The following AMZ2 variants were observed in gnomAD, a reference collection of about 807,000 sequenced individuals.
The protein encoded by AMZ2 is archaemetzincin-2.
Under a neutral mutation model 36.7 loss-of-function variants are expected in AMZ2, and 26 were observed. That is an observed-to-expected ratio of 0.71 (90% CI 0.52 to 0.98). The LOEUF is 0.98. AMZ2 is among the 50% of genes least tolerant of loss of function. AMZ2 has a pLI of 0.00. For missense variants in AMZ2, 394 were observed against 430.5 expected, an observed-to-expected ratio of 0.92 and a Z score of 0.75; for synonymous variants, 144 against 149.1, an observed-to-expected ratio of 0.97 and a Z score of 0.25.
At chr17:68,209,632 A>ATTTTTTTT (rs1224207690) in intron 1 of AMZ2, among the ~76,000 whole-genome samples, 16 of 90,688 alleles carry the variant, frequency 1.8e-4, no homozygotes, top group Non-Finnish European at 2.4e-4. Context: ...ATATATATAT[A>ATTTTTTTT]TTTTTTTTTT....
At chr17:68,223,039 G>A (rs1555728963) in intron 1 of AMZ2, among the ~76,000 whole-genome samples, 1 of 152,042 alleles carries the variant, frequency 6.6e-6, no homozygotes, top group Non-Finnish European at 1.5e-5. Flanking sequence ...CTCGGAGGGA[G>A]GGGTATCAAG....
chr17:68,230,418 T>C (rs2073631059), intron 1 of AMZ2, among the ~76,000 whole-genome samples: 1 of 152,232 alleles, frequency 6.6e-6, no homozygotes, highest in Admixed American at 6.5e-5. Context: ...AGCCCCTCCA[T>C]GCGTGCCCCT....
chr17:68,210,829 T>A (rs529622950), intron 1 of AMZ2, among the ~76,000 whole-genome samples: 16 of 151,772 alleles, frequency 1.1e-4, no homozygotes, highest in African/African-American at 3.6e-4. Context: ...GTGCCTGTGG[T>A]CCTAGTTACT....
chr17:68,232,495 CA>C (rs139890887), intron 1 of AMZ2, among the ~76,000 whole-genome samples: 560 of 106,828 alleles, frequency 5.2e-3, no homozygotes, highest in Admixed American at 0.01. Context: ...GACCCTATCT[CA>C]AAAAAAAAAA....
chr17:68,221,842 G>A (rs1454302372), intron 1 of AMZ2, among the ~76,000 whole-genome samples: 1 of 152,166 alleles, frequency 6.6e-6, no homozygotes, highest in Admixed American at 6.6e-5. Context: ...CATGAGCTGA[G>A]TTCGCACCAC....
At chr17:68,246,496 TAC>T (rs1472375992), upstream of AMZ2, 4 of 152,216 alleles carry the variant, frequency 2.6e-5, no homozygotes, top group African/African-American at 9.7e-5. Flanking sequence ...GCCCCTATGC[TAC>T]ACCACCTCAG....
At chr17:68,209,625 TATATA>T (rs1568337608) in intron 1 of AMZ2, among the ~76,000 whole-genome samples, 2,721 of 109,882 alleles carry the variant, frequency 0.025, 66 homozygotes, top group African/African-American at 0.062. Flanking sequence ...TATATATATA[TATATA>T]TATTTTTTTT....
intron 1 of AMZ2, among the ~76,000 whole-genome samples, chr17:68,209,632 A>ATATT: frequency 2.2e-5 from 2 of 90,684 alleles, no homozygotes; most frequent in African/African-American, 4.9e-5. Context: ...ATATATATAT[A>ATATT]TTTTTTTTTT....
At chr17:68,249,915 A>C in intron 1 of AMZ2, 1 of 409,850 alleles carries the variant, frequency 2.4e-6, no homozygotes, top group Non-Finnish European at 4.4e-6. Context: ...CTGAAATTAC[A>C]GGCATGAGCC....
intron 1 of AMZ2, among the ~76,000 whole-genome samples, chr17:68,242,217 C>T (rs1465223985): frequency 2.0e-5 from 3 of 152,058 alleles, no homozygotes; most frequent in African/African-American, 7.2e-5. Flanking sequence ...AGGCAGGGAA[C>T]CACCTAGAAA....
chr17:68,224,897 G>T (rs563007458), intron 1 of AMZ2, among the ~76,000 whole-genome samples: 35 of 151,892 alleles, frequency 2.3e-4, no homozygotes, highest in African/African-American at 8.2e-4. Context: ...TGGAAACCAG[G>T]CTGGGCGTGG....
chr17:68,208,356 C>G (rs1177331462), intron 1 of AMZ2, among the ~76,000 whole-genome samples: 2 of 152,172 alleles, frequency 1.3e-5, no homozygotes, highest in African/African-American at 4.8e-5. Flanking sequence ...CTGTATCTAG[C>G]TCAAGGTTTA....
In AMZ2 at chr17:68,221,209, T is replaced by TCCCCCCCCCCCCCCCCCC. The variant is rs55937321; in HGVS notation, c.-67+14980_-67+14981insCCCCCCCCCCCCCCCCCC. On this transcript the variant is annotated intron_variant, in intron 1 of 7. Transcript: ENST00000674770. ...TGATCTTCCTGCCTCAGCCCTCAGC[T>TCCCCCCCCCCCCCCCCCC]CCCCCCCCCGCCCCCCCGGTAGCTA... 2.7e-4 allele frequency among the ~76,000 whole-genome samples: 18 copies of TCCCCCCCCCCCCCCCCCC among 66,772 alleles called. 1 individual carries two copies. The highest frequency in any genetic ancestry group is 5.3e-4 in the East Asian group (1 of 1,880). 43.8% of individuals were successfully genotyped at this position (66,772 alleles called of 152,430 possible).
intron 1 of AMZ2, among the ~76,000 whole-genome samples, chr17:68,231,415 T>TGTGCCTTGCATGGGGAC (rs1568356958): frequency 8.1e-4 from 89 of 109,210 alleles, no homozygotes; most frequent in East Asian, 1.4e-3. Flanking sequence ...CATCCAGCAC[T>TGTGCCTTGCATGGGGAC]AGTTAAGTTG....
intron 1 of AMZ2, among the ~76,000 whole-genome samples, chr17:68,229,109 C>T (rs1263383829): frequency 6.6e-6 from 1 of 152,228 alleles, no homozygotes; most frequent in Admixed American, 6.5e-5. Context: ...CCCTCTCTCC[C>T]TCCACTCCAC....
intron 1 of AMZ2, among the ~76,000 whole-genome samples, chr17:68,241,998 G>C (rs55747927): frequency 0.22 from 33,107 of 151,352 alleles, 4,087 homozygotes; most frequent in East Asian, 0.4. Flanking sequence ...CCTGCCTCAG[G>C]CTCCCAAAGT....
chr17:68,223,042 G>T (rs782019451), intron 1 of AMZ2, among the ~76,000 whole-genome samples: 50 of 152,054 alleles, frequency 3.3e-4, no homozygotes, highest in Admixed American at 6.6e-4. Context: ...GGAGGGAGGG[G>T]TATCAAGGAA....
chr17:68,250,365 A>G lies in AMZ2; in HGVS notation c.178A>G (p.Ile60Val), dbSNP rs1193704916. ...PITLHSPSDW[I>V]TSHPEAPQDF... ...TACCTTGCATTCTCCATCAGATTGG[A>G]TCACCTCCCACCCTGAGGCTCCCCA... Residue 60 changes from isoleucine (I) to valine (V), a missense_variant, in exon 2 of 7, where the codon ATC (isoleucine) becomes GTC (valine). Ile to Val is a conservative substitution (Grantham distance 29, BLOSUM62 3). Transcript: ENST00000359904. 6.2e-7 allele frequency: 1 copy of G among 1,614,042 alleles called. No homozygotes were observed. Among genetic ancestry groups the G allele is most frequent in the Non-Finnish European group, 8.5e-7 (1 of 1,180,036 alleles).
At chr17:68,253,587 G>A (rs1344122436) in intron 4 of AMZ2, among the ~76,000 whole-genome samples, 4 of 152,110 alleles carry the variant, frequency 2.6e-5, no homozygotes, top group Admixed American at 6.5e-5. Context: ...AAGGGGACGA[G>A]GTTATTCTGT....
Sources: gnomAD v4.1 joint callset for allele counts (sites outside exome capture counted in the v4.1 genomes callset) on GRCh38, gnomAD v4.1.1 for gene constraint, MANE v1.5 for transcripts, NCBI Gene and HGNC (gene_info 2026-07-23, HGNC 2026-07-21) for gene names.